TRHDE: variants seen among roughly 807,000 people sequenced by gnomAD.
TRHDE encodes the protein thyrotropin releasing hormone degrading enzyme, also known as thyrotropin-releasing hormone-degrading ectoenzyme.
Under a neutral mutation model 125.7 loss-of-function variants are expected in TRHDE, and 72 were observed. The ratio of observed to expected loss-of-function variants is 0.57; its 90% CI spans 0.47 to 0.70. The LOEUF is 0.70. Among genes scored for constraint, TRHDE ranks in the 30% least tolerant of loss-of-function variants. The probability of loss-of-function intolerance (pLI) is 0.00; values close to 1 mark genes in which losing one functional copy is unlikely to be tolerated. For synonymous variants in TRHDE, 509 were observed against 509.1 expected (o/e 1.00, Z 0.00); for missense variants, 1,110 against 1,327.1 (o/e 0.84, Z 2.54).
chr12:72,318,460 T>C (rs1868914854), intron 2 of TRHDE, among the ~76,000 whole-genome samples: 2 of 152,178 alleles, frequency 1.3e-5, no homozygotes, highest in Non-Finnish European at 2.9e-5. Context: ...GTGTGTGTCC[T>C]TAGATACGAT....
intron 6 of TRHDE, among the ~76,000 whole-genome samples, chr12:72,513,303 G>A (rs138291766): frequency 2.6e-5 from 4 of 152,214 alleles, no homozygotes; most frequent in Admixed American, 1.3e-4. Context: ...ATTAAACTAT[G>A]TTGCTCCACA....
intron 7 of TRHDE, among the ~76,000 whole-genome samples, chr12:72,547,999 A>G (rs1283995497): frequency 2.0e-5 from 3 of 151,850 alleles, no homozygotes; most frequent in African/African-American, 7.2e-5. Flanking sequence ...AAGATCACTC[A>G]TGGGTTTCAT....
chr12:72,559,089 A>G (rs1228821737), intron 7 of TRHDE, among the ~76,000 whole-genome samples: 1 of 152,178 alleles, frequency 6.6e-6, no homozygotes, highest in Non-Finnish European at 1.5e-5. Flanking sequence ...GTTAAAAAGG[A>G]GACAAATATT....
intron 6 of TRHDE, among the ~76,000 whole-genome samples, chr12:72,540,887 G>A (rs1338713065): frequency 6.6e-6 from 1 of 151,706 alleles, no homozygotes; most frequent in Non-Finnish European, 1.5e-5. Flanking sequence ...CCTATCATTT[G>A]TTGAGATGAG....
At chr12:72,617,739 T>G (rs1164181711) in intron 12 of TRHDE, among the ~76,000 whole-genome samples, 2 of 152,164 alleles carry the variant, frequency 1.3e-5, no homozygotes, top group Non-Finnish European at 2.9e-5. Context: ...CAAGATCAAG[T>G]TCCAGCAGAT....
intron 2 of TRHDE, among the ~76,000 whole-genome samples, chr12:72,135,280 T>G (rs1315681458): frequency 6.6e-6 from 1 of 152,218 alleles, no homozygotes; most frequent in African/African-American, 2.4e-5. Context: ...TCATGTTGTT[T>G]TCAAGCATTT....
intron 2 of TRHDE, among the ~76,000 whole-genome samples, chr12:72,182,897 A>G (rs1044262528): frequency 1.3e-5 from 2 of 152,114 alleles, no homozygotes; most frequent in Admixed American, 6.5e-5. Flanking sequence ...CGAGAGGCTT[A>G]TTTTCTCCAT....
At chr12:72,146,782 G>A (rs660988) in intron 2 of TRHDE, among the ~76,000 whole-genome samples, 2 of 152,236 alleles carry the variant, frequency 1.3e-5, no homozygotes, top group African/African-American at 4.8e-5. Context: ...TGCAAGGGCA[G>A]AGGGCCGGTA....
intron 2 of TRHDE, among the ~76,000 whole-genome samples, chr12:72,158,988 A>G (rs1318566463): frequency 6.6e-6 from 1 of 152,206 alleles, no homozygotes; most frequent in Non-Finnish European, 1.5e-5. Flanking sequence ...TGCCATTTTA[A>G]TATATTCAGA....
At chr12:72,453,635 C>A (rs1287993831) in intron 3 of TRHDE, among the ~76,000 whole-genome samples, 1 of 152,122 alleles carries the variant, frequency 6.6e-6, no homozygotes, top group Non-Finnish European at 1.5e-5. Context: ...GAGGAAAAGG[C>A]CTTGAAAGTA....
At chr12:72,319,258 T>C (rs1399897955) in intron 2 of TRHDE, among the ~76,000 whole-genome samples, 1 of 152,080 alleles carries the variant, frequency 6.6e-6, no homozygotes, top group Non-Finnish European at 1.5e-5. Context: ...GCTGTTTAGG[T>C]GAAAAGAGAA....
intron 3 of TRHDE, among the ~76,000 whole-genome samples, chr12:72,458,956 A>G (rs906407012): frequency 1.3e-5 from 2 of 152,216 alleles, no homozygotes; most frequent in Non-Finnish European, 2.9e-5. Context: ...GCGATAATAA[A>G]TTAGCACTTA....
In TRHDE at chr12:72,158,149, T is replaced by A. The variant is rs191469366; in HGVS notation, n.279+52397T>A. On this transcript the variant is annotated intron_variant and non_coding_transcript_variant, in intron 2 of 4. Transcript: ENST00000548156. Reference sequence around the variant, plus strand: ...TCAATGAAAGTCTGACGGAGAGGGTTTGGGAAAGAAAAGTGAGAAAATTGC... The same window carrying A: ...TCAATGAAAGTCTGACGGAGAGGGTATGGGAAAGAAAAGTGAGAAAATTGC... Among the ~76,000 whole-genome samples, 9 of 152,156 alleles carry A rather than the reference T, an allele frequency of 5.9e-5. No individual in the cohort carries two copies. The East Asian group carries it at 1.7e-3, about 29-fold the overall frequency.
At chr12:72,361,663 T>A (rs1337792160) in intron 2 of TRHDE, among the ~76,000 whole-genome samples, 1 of 150,278 alleles carries the variant, frequency 6.7e-6, no homozygotes, top group Non-Finnish European at 1.5e-5. Flanking sequence ...CTGCACCCAT[T>A]AACTCGTCAT....
chr12:72,575,207 A>G (rs777663956), intron 10 of TRHDE, 48 bp from the exon 11 acceptor site: 6 of 1,588,092 alleles, frequency 3.8e-6, no homozygotes, highest in Non-Finnish European at 5.2e-6. Flanking sequence ...ACTTCATTTC[A>G]TTTTAACTCT....
intron 2 of TRHDE, among the ~76,000 whole-genome samples, chr12:72,287,414 T>C (rs1428864197): frequency 9.2e-5 from 14 of 152,174 alleles, no homozygotes; most frequent in Admixed American, 9.2e-4. Context: ...CAGTCTAATG[T>C]TATTGCTGAG....
At chr12:72,171,773 T>G (rs963518198) in intron 2 of TRHDE, among the ~76,000 whole-genome samples, 1 of 152,188 alleles carries the variant, frequency 6.6e-6, no homozygotes, top group African/African-American at 2.4e-5. Context: ...CTATGGCCTA[T>G]GTTTCCCAAG....
rs1190363456 is a variant in TRHDE at position 72,583,923 on chromosome 12, C to CTTTTTTTTT, written c.2321+8400_2321+8408dup. 1.7e-4 allele frequency among the ~76,000 whole-genome samples: 10 copies of CTTTTTTTTT among 60,462 alleles called. 2 individuals are homozygous for CTTTTTTTTT. The highest frequency in any genetic ancestry group is 1.1e-3 in the African/African-American group (9 of 7,974). 39.7% of individuals were successfully genotyped at this position (60,462 alleles called of 152,430 possible). On this transcript the variant is annotated intron_variant, in intron 12 of 18. Transcript: ENST00000261180. ...GCTTGTGGCTCTAAAGGATGACAAACTTTTTTTTTTTTTTTTTTTTTTTTT... is the reference window on the plus strand; with the variant it reads ...GCTTGTGGCTCTAAAGGATGACAAACTTTTTTTTTTTTTTTTTTTTTTTTTTTTTTTTTT...
At chr12:72,334,144 T>A (rs1869727467) in intron 2 of TRHDE, among the ~76,000 whole-genome samples, 1 of 152,198 alleles carries the variant, frequency 6.6e-6, no homozygotes, top group Non-Finnish European at 1.5e-5. Flanking sequence ...CACATTACAG[T>A]GCTCATGGAG....
Sources: gnomAD v4.1 joint callset for allele counts (sites outside exome capture counted in the v4.1 genomes callset) on GRCh38, gnomAD v4.1.1 for gene constraint, MANE v1.5 for transcripts, NCBI Gene and HGNC (gene_info 2026-07-23, HGNC 2026-07-21) for gene names.